Variants in ADAMTSL1 observed in about 807,000 individuals in gnomAD.
ADAMTSL1 encodes ADAMTS-like protein 1.
Under a neutral mutation model 201.8 loss-of-function variants are expected in ADAMTSL1, and 126 were observed. The observed-to-expected ratio is 0.62, with a 90% confidence interval of 0.54 to 0.72. ADAMTSL1 has a LOEUF of 0.72. ADAMTSL1 is among the 30% of genes least tolerant of loss of function. The probability of loss-of-function intolerance (pLI) is 0.00; values close to 1 mark genes in which losing one functional copy is unlikely to be tolerated. For missense variants in ADAMTSL1, 2,679 were observed against 2,277.8 expected (o/e 1.18, Z -3.59); for synonymous variants, 1,121 against 903.4 (o/e 1.24, Z -4.32).
At chr9:17,986,474 A>G (rs1486782810) in intron 1 of ADAMTSL1, among the ~76,000 whole-genome samples, 2 of 152,214 alleles carry the variant, frequency 1.3e-5, no homozygotes, top group African/African-American at 4.8e-5. Flanking sequence ...CTCAATGTGA[A>G]CAATTATCAG....
intron 10 of ADAMTSL1, among the ~76,000 whole-genome samples, chr9:18,678,667 T>C (rs1830266926): frequency 6.6e-6 from 1 of 152,200 alleles, no homozygotes. Context: ...AAATGTGCTC[T>C]TTTATAGCAT....
intron 4 of ADAMTSL1, among the ~76,000 whole-genome samples, chr9:18,583,546 GA>G (rs1823255801): frequency 1.4e-5 from 2 of 147,892 alleles, no homozygotes; most frequent in African/African-American, 4.8e-5. Context: ...GTGCCTACTG[GA>G]ACACCACCTA....
intron 1 of ADAMTSL1, among the ~76,000 whole-genome samples, chr9:17,993,920 G>A (rs1819266992): frequency 6.6e-6 from 1 of 152,042 alleles, no homozygotes; most frequent in African/African-American, 2.4e-5. Context: ...CATGTTAGTG[G>A]GAGATGGTTT....
At chr9:18,665,649 T>A (rs796479466) in intron 9 of ADAMTSL1, among the ~76,000 whole-genome samples, 5 of 152,156 alleles carry the variant, frequency 3.3e-5, no homozygotes, top group African/African-American at 1.2e-4. Context: ...CATTCTCTTT[T>A]CCTTTTGTTC....
intron 2 of ADAMTSL1, among the ~76,000 whole-genome samples, chr9:18,440,013 T>A (rs1269055427): frequency 6.6e-6 from 1 of 152,220 alleles, no homozygotes; most frequent in African/African-American, 2.4e-5. Context: ...CAATTTTAAA[T>A]CTTCCTCAAA....
intron 19 of ADAMTSL1, among the ~76,000 whole-genome samples, chr9:18,785,522 C>T (rs572091391): frequency 6.6e-6 from 1 of 152,348 alleles, no homozygotes; most frequent in East Asian, 1.9e-4. Context: ...CACATGTTTA[C>T]AGTGTTGATG....
chr9:18,579,350 AGG>A (rs1822945014), intron 4 of ADAMTSL1, among the ~76,000 whole-genome samples: 2 of 73,660 alleles, frequency 2.7e-5, no homozygotes, highest in Non-Finnish European at 5.0e-5. Context: ...TGTGGTGGGG[AGG>A]GGGGAGGGGG....
intron 3 of ADAMTSL1, among the ~76,000 whole-genome samples, chr9:18,571,502 T>C (rs983394580): frequency 3.3e-5 from 5 of 152,216 alleles, no homozygotes; most frequent in African/African-American, 1.2e-4. Flanking sequence ...CCTGGGATGA[T>C]AGGTACTATC....
chr9:18,183,289 A>G (rs1828582762), intron 2 of ADAMTSL1, among the ~76,000 whole-genome samples: 1 of 152,226 alleles, frequency 6.6e-6, no homozygotes, highest in East Asian at 1.9e-4. Flanking sequence ...AGAAGATAAC[A>G]TGGGAGAAAA....
At chr9:18,296,075 C>T (rs7857356) in intron 2 of ADAMTSL1, among the ~76,000 whole-genome samples, 1 of 152,216 alleles carries the variant, frequency 6.6e-6, no homozygotes, top group South Asian at 2.1e-4. Context: ...AGCCTTTAGG[C>T]CTAACTTTTA....
chr9:18,672,034 CT>C (rs1370778782), intron 9 of ADAMTSL1, among the ~76,000 whole-genome samples: 3 of 151,882 alleles, frequency 2.0e-5, no homozygotes, highest in Non-Finnish European at 4.4e-5. Context: ...GAGACTCCAT[CT>C]CAAAAAAATT....
intron 1 of ADAMTSL1, among the ~76,000 whole-genome samples, chr9:17,978,078 G>C (rs1209193080): frequency 6.6e-6 from 1 of 151,792 alleles, no homozygotes; most frequent in African/African-American, 2.4e-5. Context: ...CTCTTTACTG[G>C]TTTTAAAGTC....
chr9:18,458,638 A>G (rs1472865072), intron 2 of ADAMTSL1, among the ~76,000 whole-genome samples: 1 of 152,156 alleles, frequency 6.6e-6, no homozygotes, highest in African/African-American at 2.4e-5. Flanking sequence ...TTAGAGGAAA[A>G]AGGCTTTCTA....
At chr9:17,986,631 A>C (rs187456696) in intron 1 of ADAMTSL1, among the ~76,000 whole-genome samples, 2 of 152,236 alleles carry the variant, frequency 1.3e-5, no homozygotes, top group East Asian at 3.9e-4. Context: ...ATGCATTTAA[A>C]ATTATGCTAT....
At chr9:18,870,443 C>G (rs10756994) in intron 23 of ADAMTSL1, among the ~76,000 whole-genome samples, 15,332 of 152,220 alleles carry the variant, frequency 0.1, 839 homozygotes, top group East Asian at 0.2. Flanking sequence ...AATCTCTGCT[C>G]TGTTCTTTTA....
chr9:18,527,471 A>T (rs1819155713), intron 2 of ADAMTSL1, among the ~76,000 whole-genome samples: 1 of 152,206 alleles, frequency 6.6e-6, no homozygotes, highest in African/African-American at 2.4e-5. Flanking sequence ...GCGATAAATC[A>T]AATGCATGCC....
intron 20 of ADAMTSL1, among the ~76,000 whole-genome samples, chr9:18,815,711 C>CAAAAAAAAAAAAAAAAAAAAAAAAAAAA (rs35926602): frequency 2.9e-5 from 2 of 67,930 alleles, no homozygotes; most frequent in South Asian, 5.6e-4. Flanking sequence ...AACCCTGTCT[C>CAAAAAAAAAAAAAAAAAAAAAAAAAAAA]AAAAAAAAAA....
At chr9:18,459,638 C>A (rs1820735689) in intron 2 of ADAMTSL1, among the ~76,000 whole-genome samples, 1 of 152,072 alleles carries the variant, frequency 6.6e-6, no homozygotes, top group Non-Finnish European at 1.5e-5. Flanking sequence ...GTTAATCAGA[C>A]CCTTTGGGAA....
chr9:18,657,500 C>G lies in ADAMTSL1; in HGVS notation c.835-139C>G, dbSNP rs533709144. Reference sequence around the variant, plus strand: ...AAAATGGTAGGATACATGATACTGCCATTGCCACTTCTCCCGCAGTGCAGT... The same window carrying G: ...AAAATGGTAGGATACATGATACTGCGATTGCCACTTCTCCCGCAGTGCAGT... On this transcript the variant is annotated intron_variant, in intron 7 of 28. Coordinates refer to ENST00000380548, the MANE Select transcript of ADAMTSL1 (RefSeq NM_001040272.6). The G allele has an allele frequency of 2.9e-5, 18 of 618,746 alleles. No homozygotes were observed. The South Asian group carries it at 3.5e-4, about 12-fold the overall frequency. The allele number at this position is 618,746 out of a possible 1,614,324, so 38.3% of individuals were successfully genotyped here.
Sources: allele counts gnomAD v4.1 joint callset (sites outside exome capture counted in the v4.1 genomes callset), GRCh38; gene constraint gnomAD v4.1.1; transcripts MANE v1.5; gene names NCBI Gene and HGNC (gene_info 2026-07-23, HGNC 2026-07-21).